SLC17A1: variants seen among roughly 807,000 people sequenced by gnomAD.
The protein encoded by SLC17A1 is solute carrier family 17 member 1, also known as sodium-dependent phosphate transport protein 1.
A neutral mutation model predicts 53.5 loss-of-function variants in SLC17A1; 51 were observed. The observed-to-expected ratio is 0.95, with a 90% CI of 0.76 to 1.20. The LOEUF (loss-of-function observed/expected upper bound fraction) is 1.20, where lower values mean the gene tolerates loss of function less well. Among genes scored for constraint, SLC17A1 ranks in the 50% most tolerant of loss-of-function variants. SLC17A1 has a pLI of 0.00. For missense variants in SLC17A1, 538 were observed against 568.2 expected, an observed-to-expected ratio of 0.95 and a Z score of 0.54; for synonymous variants, 179 against 198.8, an observed-to-expected ratio of 0.90 and a Z score of 0.84.
At chr6:25,726,042 T>C in the SLC17A1 span, 5 of 1,222,058 alleles carry the variant, frequency 4.1e-6, 1 homozygote, top group South Asian at 6.6e-5. Context: ...TTTTGTAACG[T>C]ACAGCCTTTT....
At chr6:25,824,469 A>G (rs1764670446) in intron 3 of SLC17A1, among the ~76,000 whole-genome samples, 2 of 151,908 alleles carry the variant, frequency 1.3e-5, no homozygotes, top group Admixed American at 1.3e-4. Flanking sequence ...GAATTGATCT[A>G]AAAGATAACT....
chr6:25,779,434 G>C, downstream of SLC17A1: 1 of 399,954 alleles, frequency 2.5e-6, no homozygotes, highest in Non-Finnish European at 4.4e-6. Context: ...TGTTATCCTA[G>C]TAAAAGCATC....
intron 12 of SLC17A1, among the ~76,000 whole-genome samples, chr6:25,783,763 G>A (rs1410383361): frequency 2.6e-5 from 4 of 150,944 alleles, no homozygotes; most frequent in Admixed American, 6.6e-5. Flanking sequence ...TGAAAATAAA[G>A]CCCCCCTTTG....
the SLC17A1 span, among the ~76,000 whole-genome samples, chr6:25,760,026 A>G: frequency 6.6e-6 from 1 of 152,230 alleles, no homozygotes; most frequent in Non-Finnish European, 1.5e-5. Flanking sequence ...ACACACCGTG[A>G]AGCAGCAATA....
intron 10 of SLC17A1, among the ~76,000 whole-genome samples, chr6:25,801,467 C>T (rs1763757421): frequency 6.6e-6 from 1 of 152,156 alleles, no homozygotes; most frequent in Non-Finnish European, 1.5e-5. Flanking sequence ...CAAACCAATT[C>T]CAGCAGAAAA....
the SLC17A1 span, among the ~76,000 whole-genome samples, chr6:25,766,903 A>G: frequency 2.0e-5 from 3 of 152,224 alleles, no homozygotes; most frequent in African/African-American, 7.2e-5. Context: ...GGCTCCCTAT[A>G]TGGGATTCTG....
chr6:25,791,749 A>G (rs539053779), intron 12 of SLC17A1, among the ~76,000 whole-genome samples: 13 of 152,242 alleles, frequency 8.5e-5, no homozygotes, highest in Non-Finnish European at 1.5e-4. Context: ...TTAAAGGCCT[A>G]CAGGAGGTTA....
chr6:25,771,287 T>A, the SLC17A1 span, among the ~76,000 whole-genome samples: 4 of 152,130 alleles, frequency 2.6e-5, no homozygotes, highest in African/African-American at 9.7e-5. Flanking sequence ...GAAAATACTA[T>A]CTTAGGCTAG....
chr6:25,749,075 GC>G, the SLC17A1 span, among the ~76,000 whole-genome samples: 1 of 152,172 alleles, frequency 6.6e-6, no homozygotes, highest in Non-Finnish European at 1.5e-5. Flanking sequence ...CAGGTGTCAG[GC>G]TGGGGGACGG....
chr6:25,770,807 C>A, the SLC17A1 span: 1 of 779,882 alleles, frequency 1.3e-6, no homozygotes, highest in South Asian at 1.6e-5. Context: ...GTGAAGGAAC[C>A]TAGATAGTTT....
At chr6:25,776,827 C>A in the SLC17A1 span, 3 of 1,613,998 alleles carry the variant, frequency 1.9e-6, no homozygotes, top group South Asian at 3.3e-5. Context: ...CTCTTCCCAT[C>A]CGTGATCCTC....
At chr6:25,822,941 T>C (rs1764615383) in intron 3 of SLC17A1, among the ~76,000 whole-genome samples, 1 of 151,980 alleles carries the variant, frequency 6.6e-6, no homozygotes, top group Non-Finnish European at 1.5e-5. Context: ...AACTTCCTCC[T>C]ATTTTTTTTG....
intron 12 of SLC17A1, among the ~76,000 whole-genome samples, chr6:25,795,639 G>T (rs1356653917): frequency 6.6e-6 from 1 of 152,016 alleles, no homozygotes; most frequent in Non-Finnish European, 1.5e-5. Context: ...TGAAATAATT[G>T]AACCCAGCTA....
chr6:25,826,367 T>C, intron 3 of SLC17A1, 94 bp downstream of exon 3: 1 of 993,484 alleles, frequency 1.0e-6, no homozygotes, highest in Non-Finnish European at 1.4e-6. Context: ...CTTTTTCAAA[T>C]ATAGTATCAT....
At chr6:25,829,218 G>A (rs897620533) in intron 2 of SLC17A1, among the ~76,000 whole-genome samples, 8 of 152,082 alleles carry the variant, frequency 5.3e-5, no homozygotes, top group African/African-American at 1.9e-4. Context: ...CAAGGTCCTA[G>A]CGATGCGATA....
chr6:25,752,392 T>C, the SLC17A1 span, among the ~76,000 whole-genome samples: 12 of 152,210 alleles, frequency 7.9e-5, no homozygotes, highest in African/African-American at 2.2e-4. Flanking sequence ...AGGAGACTTA[T>C]CATAAATGGA....
the SLC17A1 span, among the ~76,000 whole-genome samples, chr6:25,752,398 A>G: frequency 2.3e-4 from 35 of 152,356 alleles, no homozygotes; most frequent in African/African-American, 8.4e-4. Context: ...CTTATCATAA[A>G]TGGAGCTTGT....
At chr6:25,752,732 C>G in the SLC17A1 span, among the ~76,000 whole-genome samples, 1 of 152,134 alleles carries the variant, frequency 6.6e-6, no homozygotes, top group African/African-American at 2.4e-5. Flanking sequence ...GTGGGCGGAT[C>G]ACAAGGTCAG....
At chr6:25,821,001 C>G (rs928632678) in intron 3 of SLC17A1, among the ~76,000 whole-genome samples, 1 of 150,812 alleles carries the variant, frequency 6.6e-6, no homozygotes, top group African/African-American at 2.4e-5. Flanking sequence ...ACCCACTTAA[C>G]AGGAAGAAAT....
Sources: gnomAD v4.1 joint callset for allele counts (sites outside exome capture counted in the v4.1 genomes callset) on GRCh38, gnomAD v4.1.1 for gene constraint, MANE v1.5 for transcripts, NCBI Gene and HGNC (gene_info 2026-07-23, HGNC 2026-07-21) for gene names.